The following SLC2A9 variants were observed in gnomAD, a reference collection of about 807,000 sequenced individuals.
SLC2A9 encodes solute carrier family 2, facilitated glucose transporter member 9.
SLC2A9 carries 39 observed loss-of-function variants against 50.6 expected under a neutral mutation model. That is an observed-to-expected ratio of 0.77 (90% CI 0.60 to 1.01). The LOEUF (loss-of-function observed/expected upper bound fraction) is 1.01. Ranked by LOEUF, SLC2A9 falls within the 50% of genes least tolerant of loss-of-function variation. The pLI, the probability that SLC2A9 is intolerant of heterozygous loss-of-function variation, is 0.00. For missense variants in SLC2A9, 686 were observed against 677.6 expected, an observed-to-expected ratio of 1.01 and a Z score of -0.14; for synonymous variants, 324 against 276.9, an observed-to-expected ratio of 1.17 and a Z score of -1.69.
chr4:9,971,879 C>G (rs972208343), intron 5 of SLC2A9, among the ~76,000 whole-genome samples: 1 of 152,210 alleles, frequency 6.6e-6, no homozygotes. Context: ...CAACCTTACA[C>G]GAGAAAATAC....
intron 2 of SLC2A9, among the ~76,000 whole-genome samples, chr4:10,008,268 C>T (rs750069934): frequency 2.6e-5 from 4 of 152,312 alleles, no homozygotes; most frequent in East Asian, 1.9e-4. Flanking sequence ...CAGCTCTAAT[C>T]GCTGGGACCT....
intron 6 of SLC2A9, among the ~76,000 whole-genome samples, chr4:9,935,475 G>T (rs910560936): frequency 6.6e-6 from 1 of 152,184 alleles, no homozygotes; most frequent in African/African-American, 2.4e-5. Context: ...TATGTGCCCT[G>T]GTTCTGACCT....
intron 3 of SLC2A9, among the ~76,000 whole-genome samples, chr4:9,784,770 A>C (rs1465090506): frequency 6.6e-6 from 1 of 152,340 alleles, no homozygotes; most frequent in Non-Finnish European, 1.5e-5. Flanking sequence ...AGCACTATTA[A>C]TGGAAGCAAA....
chr4:9,838,656 T>C (rs115478141), intron 10 of SLC2A9, among the ~76,000 whole-genome samples: 7 of 151,970 alleles, frequency 4.6e-5, no homozygotes, highest in Admixed American at 2.0e-4. Flanking sequence ...CAAGAACACA[T>C]ATATAGACCA....
intron 10 of SLC2A9, chr4:9,879,600 G>A (rs777057321): frequency 2.0e-6 from 2 of 985,228 alleles, no homozygotes; most frequent in Non-Finnish European, 1.2e-6. Flanking sequence ...CTTCCATCAG[G>A]ACCGCTCCAT....
At chr4:9,791,567 A>G (rs1383460769) in intron 3 of SLC2A9, among the ~76,000 whole-genome samples, 1 of 152,166 alleles carries the variant, frequency 6.6e-6, no homozygotes, top group Admixed American at 6.5e-5. Flanking sequence ...GATGTGAATC[A>G]CTGGGGGCTG....
At position 9,956,764 on chromosome 4, in the gene SLC2A9, T is replaced by A. The variant is rs551972622; in HGVS notation, c.682-14719A>T. Among the ~76,000 whole-genome samples, 252 of 43,818 alleles carry A rather than the reference T, an allele frequency of 5.8e-3. 1 individual carries two copies. Among genetic ancestry groups the A allele is most frequent in the African/African-American group, 0.046 (225 of 4,856 alleles). The allele number at this position is 43,818 out of a possible 152,430, so 28.7% of individuals were successfully genotyped here. On this transcript the variant is annotated intron_variant, in intron 5 of 11. Transcript: ENST00000264784. The stretch of plus-strand genomic sequence containing the variant: ...CTTTTGTGTATTGGGTACCGAAAAA[T>A]TTTTTTAAAACTTCTTGATAAACAA...
chr4:9,891,790 G>C (rs563449474), intron 8 of SLC2A9, among the ~76,000 whole-genome samples: 1 of 152,338 alleles, frequency 6.6e-6, no homozygotes, highest in Admixed American at 6.5e-5. Flanking sequence ...TGGAGAGCTT[G>C]TCAGGCAGAG....
intron 10 of SLC2A9, chr4:9,880,612 A>T (rs1287171017): frequency 1.0e-6 from 1 of 971,158 alleles, no homozygotes; most frequent in Non-Finnish European, 1.2e-6. Context: ...GCAGATATGC[A>T]GATGAGTCCA....
intron 10 of SLC2A9, among the ~76,000 whole-genome samples, chr4:9,881,358 T>C (rs1441637990): frequency 3.1e-4 from 47 of 152,310 alleles, no homozygotes; most frequent in Non-Finnish European, 2.9e-5. Context: ...TGAGCACCAC[T>C]GCTGTGGCTC....
chr4:9,943,078 C>A (rs1020443565), intron 5 of SLC2A9, among the ~76,000 whole-genome samples: 1 of 152,156 alleles, frequency 6.6e-6, no homozygotes, highest in African/African-American at 2.4e-5. Flanking sequence ...GGACAGCCTC[C>A]CCACCTCTCC....
chr4:10,005,070 T>A (rs1578294147), intron 2 of SLC2A9, among the ~76,000 whole-genome samples: 1 of 152,234 alleles, frequency 6.6e-6, no homozygotes, highest in East Asian at 1.9e-4. Context: ...CAGCTTCCCA[T>A]CCTTTCTTCT....
At chr4:9,782,268 TCGTGTCTCTGGC>T (rs1438063876) in intron 3 of SLC2A9, 1 of 1,613,812 alleles carries the variant, frequency 6.2e-7, no homozygotes, top group Non-Finnish European at 8.5e-7. Context: ...AACGTCTTCA[TCGTGTCTCTGGC>T]CGTGTCAGAC....
chr4:10,004,980 C>A (rs1392249235), intron 2 of SLC2A9, among the ~76,000 whole-genome samples: 1 of 152,182 alleles, frequency 6.6e-6, no homozygotes, highest in Non-Finnish European at 1.5e-5. Flanking sequence ...TTTACTTTTT[C>A]ATTCAGCCAA....
intron 5 of SLC2A9, among the ~76,000 whole-genome samples, chr4:9,956,510 AGTATCTTCG>A (rs1751317285): frequency 6.6e-6 from 1 of 152,006 alleles, no homozygotes; most frequent in African/African-American, 2.4e-5. Context: ...AACAAAAAAA[AGTATCTTCG>A]GCCATTCTGA....
chr4:9,773,531 A>G (rs1384976085), intron 1 of SLC2A9, among the ~76,000 whole-genome samples: 2 of 152,244 alleles, frequency 1.3e-5, no homozygotes, highest in African/African-American at 4.8e-5. Context: ...ATATTTGCTA[A>G]CTGGATTAGG....
chr4:9,959,882 G>A (rs1003859962), intron 5 of SLC2A9, among the ~76,000 whole-genome samples: 3 of 152,140 alleles, frequency 2.0e-5, no homozygotes, highest in Non-Finnish European at 4.4e-5. Context: ...TCTGGCTTTC[G>A]GGGAGGGGCT....
intron 10 of SLC2A9, among the ~76,000 whole-genome samples, chr4:9,840,897 G>A (rs771944646): frequency 6.9e-5 from 9 of 130,512 alleles, no homozygotes; most frequent in African/African-American, 1.1e-4. Flanking sequence ...AGCAAGACAC[G>A]TCTTACCATA....
intron 3 of SLC2A9, among the ~76,000 whole-genome samples, chr4:9,992,286 A>G (rs1757843150): frequency 6.6e-6 from 1 of 152,170 alleles, no homozygotes; most frequent in Non-Finnish European, 1.5e-5. Context: ...GCTTTTTTAA[A>G]AGCACTTAAT....
Sources: allele counts gnomAD v4.1 joint callset (sites outside exome capture counted in the v4.1 genomes callset), GRCh38; gene constraint gnomAD v4.1.1; transcripts MANE v1.5; gene names NCBI Gene and HGNC (gene_info 2026-07-23, HGNC 2026-07-21).